The following ADCY2 variants were observed in gnomAD, a reference collection of about 807,000 sequenced individuals.
The protein encoded by ADCY2 is adenylate cyclase 2, also known as adenylate cyclase type 2.
ADCY2 carries 31 observed loss-of-function variants against 125.2 expected under a neutral mutation model. The ratio of observed to expected loss-of-function variants is 0.25; its 90% CI spans 0.19 to 0.33. The LOEUF is 0.33. ADCY2 is among the 10% of genes least tolerant of loss of function. ADCY2 has a pLI of 1.00. For synonymous variants in ADCY2, 512 were observed against 548.4 expected (o/e 0.93, Z 0.93); for missense variants, 904 against 1,418.2 (o/e 0.64, Z 5.82).
At chr5:7,573,593 C>CTTTTTTTTTTTTTTTT (rs763347773) in intron 3 of ADCY2, among the ~76,000 whole-genome samples, 1 of 86,364 alleles carries the variant, frequency 1.2e-5, no homozygotes, top group Non-Finnish European at 2.4e-5. Context: ...GGTTGATTTT[C>CTTTTTTTTTTTTTTTT]TTTTTTTTTT....
At chr5:7,663,495 T>C (rs1739609231) in intron 4 of ADCY2, among the ~76,000 whole-genome samples, 1 of 152,224 alleles carries the variant, frequency 6.6e-6, no homozygotes, top group African/African-American at 2.4e-5. Flanking sequence ...CTGTGCACTG[T>C]AACTGAGAAA....
intron 2 of ADCY2, among the ~76,000 whole-genome samples, chr5:7,420,145 C>T (rs551908162): frequency 3.3e-5 from 5 of 152,190 alleles, no homozygotes; most frequent in South Asian, 2.1e-4. Flanking sequence ...TGTCATCTCG[C>T]GGGCAGAAGC....
intron 4 of ADCY2, among the ~76,000 whole-genome samples, chr5:7,660,411 C>G (rs990434143): frequency 6.6e-6 from 1 of 152,082 alleles, no homozygotes; most frequent in Non-Finnish European, 1.5e-5. Flanking sequence ...ATTTTGCTCC[C>G]TTTACATATG....
intron 18 of ADCY2, among the ~76,000 whole-genome samples, chr5:7,781,778 T>G (rs904973010): frequency 6.6e-6 from 1 of 152,232 alleles, no homozygotes; most frequent in African/African-American, 2.4e-5. Flanking sequence ...GGGATTTTAA[T>G]GTACCTCTCC....
chr5:7,598,840 T>C (rs1003109250), intron 3 of ADCY2, among the ~76,000 whole-genome samples: 4 of 152,226 alleles, frequency 2.6e-5, no homozygotes, highest in Non-Finnish European at 5.9e-5. Context: ...GAAGCCCATG[T>C]CAGCCTGGGT....
intron 2 of ADCY2, among the ~76,000 whole-genome samples, chr5:7,485,558 T>C (rs1327571582): frequency 6.6e-6 from 1 of 152,178 alleles, no homozygotes; most frequent in Non-Finnish European, 1.5e-5. Flanking sequence ...TGCTACAAAT[T>C]CATGAAAAGG....
At chr5:7,621,974 C>G (rs1727488395) in intron 3 of ADCY2, among the ~76,000 whole-genome samples, 1 of 152,118 alleles carries the variant, frequency 6.6e-6, no homozygotes, top group African/African-American at 2.4e-5. Context: ...CTATTATTAC[C>G]TTAAATAATT....
intron 4 of ADCY2, among the ~76,000 whole-genome samples, chr5:7,634,603 C>T (rs1738429617): frequency 6.6e-6 from 1 of 152,110 alleles, no homozygotes; most frequent in African/African-American, 2.4e-5. Flanking sequence ...CATTCATACC[C>T]TTTTCAAATT....
chr5:7,485,052 G>A lies in ADCY2; in HGVS notation c.409-35686G>A, dbSNP rs764250251. 4.6e-5 allele frequency among the ~76,000 whole-genome samples: 7 copies of A among 152,092 alleles called. 1 individual carries two copies. The South Asian group carries it at 6.2e-4, about 14-fold the overall frequency. On this transcript the variant is annotated intron_variant, in intron 2 of 24. Coordinates refer to ENST00000338316, the MANE Select transcript of ADCY2 (RefSeq NM_020546.3). ...AGGTCACAGAATGAGCCCATTCAGCGAAACTACACTTAAGGTCATCTTGAC... is the reference window on the plus strand; with the variant it reads ...AGGTCACAGAATGAGCCCATTCAGCAAAACTACACTTAAGGTCATCTTGAC...
chr5:7,823,186 A>T (rs1745357280), intron 24 of ADCY2, among the ~76,000 whole-genome samples: 1 of 152,232 alleles, frequency 6.6e-6, no homozygotes, highest in South Asian at 2.1e-4. Context: ...ATTCAGATTG[A>T]GTCAACACTT....
chr5:7,804,069 A>AGAGAGAGAGAGCGC lies in ADCY2; in HGVS notation c.2776-511_2776-510insAGAGAGCGCGAGAG, dbSNP rs1553990875. Among the ~76,000 whole-genome samples the AGAGAGAGAGAGCGC allele has an allele frequency of 2.8e-5, 4 of 140,444 alleles. No homozygotes were observed. The South Asian group carries it at 6.7e-4, about 24-fold the overall frequency. The allele number at this position is 140,444 out of a possible 152,430, so 92.1% of individuals were successfully genotyped here. A position where few individuals can be genotyped will look rare whatever the true frequency, so the allele number is the denominator to read the frequency against. On this transcript the variant is annotated intron_variant, in intron 21 of 24. Coordinates refer to ENST00000338316, the MANE Select transcript of ADCY2 (RefSeq NM_020546.3). Reference sequence around the variant, plus strand: ...GAGAGAGAGAGAGAGAGAGAGAGAGAGAGAGCTGGTTTCTCTTCCTAATAC... The same window carrying AGAGAGAGAGAGCGC: ...GAGAGAGAGAGAGAGAGAGAGAGAGAGAGAGAGAGAGCGCGAGAGCTGGTTTCTCTTCCTAATAC...
intron 3 of ADCY2, among the ~76,000 whole-genome samples, chr5:7,612,922 A>C (rs948050925): frequency 6.6e-6 from 1 of 152,106 alleles, no homozygotes; most frequent in Non-Finnish European, 1.5e-5. Context: ...AGGCTGAGGT[A>C]GGAGAATGGC....
intron 3 of ADCY2, among the ~76,000 whole-genome samples, chr5:7,581,425 A>G (rs777990919): frequency 9.2e-5 from 14 of 152,194 alleles, no homozygotes; most frequent in Non-Finnish European, 1.9e-4. Context: ...TTTAATCACT[A>G]GAGCAATCAC....
chr5:7,600,494 CAG>C (rs1164494459), intron 3 of ADCY2, among the ~76,000 whole-genome samples: 1 of 152,212 alleles, frequency 6.6e-6, no homozygotes, highest in Non-Finnish European at 1.5e-5. Context: ...AGGGCTGAGA[CAG>C]GGGAGACTGG....
intron 4 of ADCY2, among the ~76,000 whole-genome samples, chr5:7,661,371 T>C (rs998159071): frequency 2.0e-5 from 3 of 151,998 alleles, no homozygotes; most frequent in Admixed American, 2.0e-4. Flanking sequence ...AAATGCATAC[T>C]TGGCAAAAGC....
intron 2 of ADCY2, among the ~76,000 whole-genome samples, chr5:7,431,510 A>T (rs1355046366): frequency 7.9e-6 from 1 of 126,746 alleles, no homozygotes; most frequent in Non-Finnish European, 1.6e-5. Flanking sequence ...AATATAACAC[A>T]CAAAAAGGTG....
chr5:7,770,730 A>C (rs1293389255), intron 17 of ADCY2, among the ~76,000 whole-genome samples: 7 of 152,148 alleles, frequency 4.6e-5, no homozygotes, highest in African/African-American at 1.7e-4. Context: ...TCCTGGGGCA[A>C]TTTCCTGGGT....
chr5:7,789,869 A>G, intron 20 of ADCY2, 69 bp downstream of exon 20: 1 of 1,284,610 alleles, frequency 7.8e-7, no homozygotes. Flanking sequence ...GAGGGCTGAA[A>G]GCTTCTTCAG....
chr5:7,434,127 A>ATG (rs1208108842), intron 2 of ADCY2, among the ~76,000 whole-genome samples: 1 of 152,228 alleles, frequency 6.6e-6, no homozygotes, highest in Non-Finnish European at 1.5e-5. Context: ...TGACAAATAA[A>ATG]TGCAAAAGAA....
Sources: allele counts gnomAD v4.1 joint callset (sites outside exome capture counted in the v4.1 genomes callset), GRCh38; gene constraint gnomAD v4.1.1; transcripts MANE v1.5; gene names NCBI Gene and HGNC (gene_info 2026-07-23, HGNC 2026-07-21).